DARS2: variants seen among roughly 807,000 people sequenced by gnomAD.
DARS2 encodes the protein aspartate--tRNA ligase, mitochondrial.
DARS2 carries 63 observed loss-of-function variants against 83.0 expected under a neutral mutation model. That is an observed-to-expected ratio of 0.76 (90% CI 0.62 to 0.94). The LOEUF (loss-of-function observed/expected upper bound fraction) is 0.94. Ranked by LOEUF, DARS2 falls within the 40% of genes least tolerant of loss-of-function variation. DARS2 has a pLI of 0.00. For synonymous variants in DARS2, 250 were observed against 269.3 expected (o/e 0.93, Z 0.70); for missense variants, 675 against 774.4 (o/e 0.87, Z 1.52).
chr1:173,828,115 A>G (rs920294945), intron 2 of DARS2, among the ~76,000 whole-genome samples: 2 of 152,216 alleles, frequency 1.3e-5, no homozygotes, highest in African/African-American at 4.8e-5. Flanking sequence ...ATAAAAAACA[A>G]TCTTTTTTTT....
In DARS2 at chr1:173,857,648, G is replaced by A. The variant is rs531009308; in HGVS notation, c.1881G>A (p.Lys627=). The A allele has an allele frequency of 2.5e-6, 4 of 1,614,120 alleles. No homozygotes were observed. The highest frequency in any genetic ancestry group is 2.5e-6 in the Non-Finnish European group (3 of 1,180,002). ...ATTCTGTCCCTCCTGAGGAACTGAAGCCCTATCATATCCGAGTCTCCAAGC... is the reference window on the plus strand; with the variant it reads ...ATTCTGTCCCTCCTGAGGAACTGAAACCCTATCATATCCGAGTCTCCAAGC... ...TPDSVPPEEL[K]PYHIRVSKPT... is the part of the protein sequence containing the mutation. The change falls in exon 17 of 17, where the codon AAG becomes AAA. Residue 627 remains lysine, a synonymous_variant. Coordinates refer to ENST00000649689, the MANE Select transcript of DARS2 (RefSeq NM_018122.5).
At chr1:173,834,550 TA>T (rs753286829) in intron 7 of DARS2, 31 bp downstream of exon 7, 28 of 1,521,612 alleles carry the variant, frequency 1.8e-5, no homozygotes, top group Non-Finnish European at 2.5e-5. Flanking sequence ...AGTCTATTAA[TA>T]ATGTCCTATT....
chr1:173,830,894 T>C (rs1652771895), intron 4 of DARS2, 133 bp downstream of exon 4: 2 of 721,882 alleles, frequency 2.8e-6, no homozygotes, highest in Non-Finnish European at 5.0e-6. Context: ...ACTGACAGAT[T>C]TCAAAATCTT....
chr1:173,857,822 G>A lies in DARS2; in HGVS notation c.*117G>A. 9.3e-7 allele frequency: 1 copy of A among 1,076,840 alleles called. No individual in the cohort carries two copies. Among genetic ancestry groups the A allele is most frequent in the Non-Finnish European group, 1.4e-6 (1 of 718,344 alleles). 66.7% of individuals were successfully genotyped at this position (1,076,840 alleles called of 1,614,324 possible). A position where few individuals can be genotyped will look rare whatever the true frequency, so the allele number is the denominator to read the frequency against. On this transcript the variant is annotated 3_prime_UTR_variant, in exon 17 of 17. Transcript: ENST00000649689. ...CTAACAATCAAGTCTTTAGATGGAA[G>A]GAATCCAGGCAACATTCTTCACCAC... is the stretch of plus-strand genomic sequence containing the variant.
At chr1:173,853,704 T>C in intron 14 of DARS2, 91 bp from the exon 15 acceptor site, 2 of 1,481,470 alleles carry the variant, frequency 1.4e-6, no homozygotes, top group South Asian at 2.3e-5. Context: ...TTAGTAGTAA[T>C]ACATTGTCTT....
At chr1:173,831,843 C>T (rs1436541574) in intron 5 of DARS2, among the ~76,000 whole-genome samples, 1 of 152,160 alleles carries the variant, frequency 6.6e-6, no homozygotes, top group Non-Finnish European at 1.5e-5. Flanking sequence ...CCCTAAATAC[C>T]TAGACTGTTT....
intron 11 of DARS2, among the ~76,000 whole-genome samples, chr1:173,841,893 G>A (rs1437931261): frequency 2.0e-5 from 3 of 152,176 alleles, no homozygotes; most frequent in African/African-American, 7.2e-5. Context: ...TATTCTGTCT[G>A]CAGCCTCAGT....
chr1:173,825,390 G>T, intron 1 of DARS2, 34 bp downstream of exon 1: 1 of 1,605,384 alleles, frequency 6.2e-7, no homozygotes, highest in Non-Finnish European at 8.5e-7. Flanking sequence ...CCTATGAACA[G>T]TACTTCAGCC....
At chr1:173,832,188 C>G (rs1444159252) in intron 5 of DARS2, among the ~76,000 whole-genome samples, 1 of 152,134 alleles carries the variant, frequency 6.6e-6, no homozygotes, top group Non-Finnish European at 1.5e-5. Context: ...GATCTATTAA[C>G]AGATTTTTAA....
intron 11 of DARS2, 129 bp from the exon 12 acceptor site, chr1:173,845,100 A>G: frequency 2.9e-6 from 2 of 686,876 alleles, no homozygotes; most frequent in East Asian, 5.7e-5. Flanking sequence ...CAGCCCAGAC[A>G]TTGAATTTTT....
At chr1:173,852,149 T>C in intron 13 of DARS2, 1 of 985,416 alleles carries the variant, frequency 1.0e-6, no homozygotes, top group Non-Finnish European at 1.2e-6. Flanking sequence ...AGGTCCGTTA[T>C]GTAGACGTAA....
chr1:173,842,311 T>TTTTTTTTTTTTA (rs1653256447), intron 11 of DARS2, among the ~76,000 whole-genome samples: 1 of 98,628 alleles, frequency 1.0e-5, no homozygotes, highest in Non-Finnish European at 2.0e-5. Context: ...TTTTTTTTTT[T>TTTTTTTTTTTTA]TTTTTTAGAG....
At chr1:173,845,164 G>A (rs560626341) in intron 11 of DARS2, 65 bp from the exon 12 acceptor site, 7 of 940,534 alleles carry the variant, frequency 7.4e-6, no homozygotes, top group East Asian at 2.4e-5. Context: ...TCATTTGATC[G>A]CATAACCATG....
intron 3 of DARS2, among the ~76,000 whole-genome samples, chr1:173,830,046 C>T (rs562682137): frequency 5.1e-4 from 77 of 151,848 alleles, no homozygotes; most frequent in Middle Eastern, 6.8e-3. Flanking sequence ...TGCACCACTG[C>T]ACTCCAGAGT....
In DARS2 at chr1:173,853,529, C is replaced by T. The variant is rs763552607; in HGVS notation, c.1525C>T (p.Pro509Ser). 13 of 1,613,962 alleles carry T rather than the reference C, an allele frequency of 8.1e-6. No individual in the cohort carries two copies. Among genetic ancestry groups the T allele is most frequent in the Non-Finnish European group, 1.1e-5 (13 of 1,180,020 alleles). The change falls in exon 14 of 17, where the codon CCC becomes TCC. Residue 509 changes from proline (P) to serine (S), a missense_variant. By Grantham distance (74) the Pro-to-Ser change is moderately conservative. Transcript: ENST00000649689. The stretch of plus-strand genomic sequence containing the variant: ...CCACCACCCATTTACTGCTCCCCAC[C>T]CCAGTGACATACATCTCCTGTACAC... ...SAHHPFTAPH[P>S]SDIHLLYTEP...
At chr1:173,848,114 A>G (rs1653512324) in intron 12 of DARS2, among the ~76,000 whole-genome samples, 1 of 151,920 alleles carries the variant, frequency 6.6e-6, no homozygotes, top group Admixed American at 6.6e-5. Context: ...CGGCCTCCCA[A>G]AGTGGTGGGA....
In DARS2 at chr1:173,832,305, A is replaced by G. The variant is rs1039613362; in HGVS notation, c.492+675A>G. The stretch of plus-strand genomic sequence containing the variant: ...TCATGGCCAATTGGTCTTACATTTA[A>G]GTTCTCAATACTTAATTATCTAATT... On this transcript the variant is annotated intron_variant, in intron 5 of 16. Transcript: ENST00000649689. Among the ~76,000 whole-genome samples, 6 of 152,288 alleles carry G rather than the reference A, an allele frequency of 3.9e-5. No individual in the cohort carries two copies. In the South Asian group the frequency reaches 1.2e-3, roughly 32 times the overall value.
chr1:173,853,987 G>C (rs540655606), intron 15 of DARS2, 82 bp downstream of exon 15: 1 of 1,261,264 alleles, frequency 7.9e-7, no homozygotes, highest in East Asian at 2.4e-5. Context: ...TTGTTTGCTT[G>C]TTTGTTTTGT....
In DARS2 at chr1:173,853,843, G is replaced by A; in HGVS notation, c.1612G>A (p.Gly538Ser). ...GGTTTTAAATGGCAATGAAATAGGA[G>A]GTGGTTCAATTCGAATTCACAATGC... ...DLVLNGNEIGGGSIRIHNAEL... is the reference protein window; with the variant it reads ...DLVLNGNEIGSGSIRIHNAEL... Residue 538 changes from glycine (G) to serine (S), a missense_variant, in exon 15 of 17, where the codon GGT becomes AGT. By Grantham distance (56) the Gly-to-Ser change is moderately conservative. Transcript: ENST00000649689. 1 of 1,614,168 alleles carries A rather than the reference G, an allele frequency of 6.2e-7. No individual in the cohort carries two copies. Among genetic ancestry groups the A allele is most frequent in the Non-Finnish European group, 8.5e-7 (1 of 1,180,032 alleles).
Sources: gnomAD v4.1 joint callset for allele counts (sites outside exome capture counted in the v4.1 genomes callset) on GRCh38, gnomAD v4.1.1 for gene constraint, MANE v1.5 for transcripts, NCBI Gene and HGNC (gene_info 2026-07-23, HGNC 2026-07-21) for gene names.